The following RLN2 variants were observed in gnomAD, a reference collection of about 807,000 sequenced individuals.
RLN2 encodes relaxin 2.
Under a neutral mutation model 7.3 loss-of-function variants are expected in RLN2, and 10 were observed. The ratio of observed to expected loss-of-function variants is 1.36; its 90% CI spans 0.84 to 2.31. The LOEUF (loss-of-function observed/expected upper bound fraction) is 2.31, where lower values mean the gene tolerates loss of function less well. RLN2 is among the 30% of genes most tolerant of loss of function. The probability of loss-of-function intolerance (pLI) is 0.00; values close to 1 mark genes in which losing one functional copy is unlikely to be tolerated. For missense variants in RLN2, 298 were observed against 217.6 expected (o/e 1.37, Z -2.32); for synonymous variants, 103 against 82.3 (o/e 1.25, Z -1.36).
the RLN2 span, chr9:5,311,818 T>TG: frequency 1.5e-6 from 1 of 646,876 alleles, no homozygotes; most frequent in Non-Finnish European, 2.7e-6. Context: ...TTTTTTTTAG[T>TG]ATTTTTTTTC....
At chr9:5,330,020 C>G in the RLN2 span, among the ~76,000 whole-genome samples, 120 of 152,092 alleles carry the variant, frequency 7.9e-4, no homozygotes, top group African/African-American at 2.8e-3. Flanking sequence ...GTAAAACACT[C>G]CTCAGCAAAT....
chr9:5,316,280 CTTT>C, the RLN2 span, among the ~76,000 whole-genome samples: 96 of 151,774 alleles, frequency 6.3e-4, 1 homozygote, highest in African/African-American at 2.3e-3. Flanking sequence ...TTTGTTATTA[CTTT>C]TTTATTGTTT....
the RLN2 span, among the ~76,000 whole-genome samples, chr9:5,334,398 G>A: frequency 6.6e-6 from 1 of 151,960 alleles, no homozygotes; most frequent in Non-Finnish European, 1.5e-5. Flanking sequence ...TTCTATAAAT[G>A]CTGGGTAAAA....
At chr9:5,329,673 A>C in the RLN2 span, among the ~76,000 whole-genome samples, 1 of 152,114 alleles carries the variant, frequency 6.6e-6, no homozygotes, top group African/African-American at 2.4e-5. Flanking sequence ...AGGCCACTAC[A>C]TAATGGTAAA....
the RLN2 span, among the ~76,000 whole-genome samples, chr9:5,320,054 C>T: frequency 6.0e-5 from 9 of 150,604 alleles, no homozygotes; most frequent in Non-Finnish European, 1.2e-4. Context: ...GGCACAATCT[C>T]GGTTCACTGC....
upstream of RLN2, among the ~76,000 whole-genome samples, chr9:5,305,846 T>A (rs1339099673): frequency 1.3e-5 from 2 of 152,014 alleles, no homozygotes; most frequent in Non-Finnish European, 2.9e-5. Context: ...GTAGGCCCAC[T>A]TAGCATTGGT....
At chr9:5,322,975 T>C in the RLN2 span, among the ~76,000 whole-genome samples, 3 of 151,780 alleles carry the variant, frequency 2.0e-5, no homozygotes, top group Admixed American at 2.0e-4. Context: ...GCTTAAAGTA[T>C]AATTTCCCAT....
At chr9:5,313,827 G>C in the RLN2 span, among the ~76,000 whole-genome samples, 1 of 151,936 alleles carries the variant, frequency 6.6e-6, no homozygotes, top group East Asian at 1.9e-4. Context: ...AACTAAGGGA[G>C]GATGTTAGAA....
chr9:5,327,763 G>A, the RLN2 span, among the ~76,000 whole-genome samples: 1 of 151,972 alleles, frequency 6.6e-6, no homozygotes, highest in Non-Finnish European at 1.5e-5. Flanking sequence ...TGATACCCAG[G>A]CAAATAGGTT....
At chr9:5,339,210 C>G in the RLN2 span, 1 of 210,848 alleles carries the variant, frequency 4.7e-6, no homozygotes, top group East Asian at 1.1e-4. Context: ...GGCGGCGTCA[C>G]CTCCTCTGAG....
At chr9:5,317,878 A>C in the RLN2 span, among the ~76,000 whole-genome samples, 1 of 152,024 alleles carries the variant, frequency 6.6e-6, no homozygotes, top group African/African-American at 2.4e-5. Flanking sequence ...AAAATTTTCA[A>C]CTTAATACAC....
In RLN2 at chr9:5,304,557, G is replaced by A. The variant is rs765355864; in HGVS notation, c.24C>T (p.His8=). The A allele has an allele frequency of 1.9e-6, 3 of 1,613,810 alleles. No individual in the cohort carries two copies. Among genetic ancestry groups the A allele is most frequent in the East Asian group, 2.2e-5 (1 of 44,860 alleles). ...TCAGTAGTAAACAGACTCCTAGCAG[G>A]TGGAAAAAAAACAGGCGAGGCATCC... MPRLFFF[H]LLGVCLLLNQ... The change falls in exon 1 of 2, where the codon CAC becomes CAT. Residue 8 remains histidine, a synonymous_variant. Transcript: ENST00000381627.
chr9:5,316,498 G>C, the RLN2 span, among the ~76,000 whole-genome samples: 1 of 151,910 alleles, frequency 6.6e-6, no homozygotes, highest in African/African-American at 2.4e-5. Flanking sequence ...GTGTCCATGT[G>C]TTCTCATTGT....
chr9:5,328,820 T>C, the RLN2 span, among the ~76,000 whole-genome samples: 1 of 151,972 alleles, frequency 6.6e-6, no homozygotes, highest in Non-Finnish European at 1.5e-5. Context: ...GAATCTCATA[T>C]CCAGCCAAAC....
At chr9:5,335,131 C>G in the RLN2 span, 9 of 579,104 alleles carry the variant, frequency 1.6e-5, 1 homozygote, top group African/African-American at 1.7e-4. Flanking sequence ...AATGAAAAAT[C>G]TAAACATTAA....
chr9:5,335,475 G>A, the RLN2 span: 1 of 1,613,260 alleles, frequency 6.2e-7, no homozygotes, highest in Non-Finnish European at 8.5e-7. Flanking sequence ...TACTGCTGTA[G>A]CTCTGGTAAT....
chr9:5,301,865 T>C (rs1369001463), intron 1 of RLN2, among the ~76,000 whole-genome samples: 1 of 152,142 alleles, frequency 6.6e-6, no homozygotes, highest in Admixed American at 6.5e-5. Context: ...ATTTCATCCT[T>C]CCTCCCAACA....
chr9:5,330,889 G>C, the RLN2 span, among the ~76,000 whole-genome samples: 1 of 151,422 alleles, frequency 6.6e-6, no homozygotes, highest in Admixed American at 6.6e-5. Flanking sequence ...GAATCAAAGA[G>C]ATGCAATGAA....
At chr9:5,322,708 T>C in the RLN2 span, among the ~76,000 whole-genome samples, 1 of 152,044 alleles carries the variant, frequency 6.6e-6, no homozygotes. Context: ...ATAAAGCCTT[T>C]GGGATCCTCT....
Sources: gnomAD v4.1 joint callset for allele counts (sites outside exome capture counted in the v4.1 genomes callset) on GRCh38, gnomAD v4.1.1 for gene constraint, MANE v1.5 for transcripts, NCBI Gene and HGNC (gene_info 2026-07-23, HGNC 2026-07-21) for gene names.